The following SPTB variants were observed in gnomAD, a reference collection of about 807,000 sequenced individuals.
SPTB encodes the protein spectrin beta, erythrocytic, also known as spectrin beta chain, erythrocytic.
Under a neutral mutation model 256.2 loss-of-function variants are expected in SPTB, and 45 were observed. The observed-to-expected ratio is 0.18, with a 90% CI of 0.14 to 0.23. The LOEUF (loss-of-function observed/expected upper bound fraction) is 0.23, where lower values mean the gene tolerates loss of function less well. SPTB is among the 10% of genes least tolerant of loss of function. SPTB has a pLI of 1.00. For missense variants in SPTB, 2,715 were observed against 3,040.4 expected, an observed-to-expected ratio of 0.89 and a Z score of 2.52; for synonymous variants, 1,231 against 1,243.1, an observed-to-expected ratio of 0.99 and a Z score of 0.21.
intron 2 of SPTB, among the ~76,000 whole-genome samples, chr14:64,810,327 C>T (rs2083064645): frequency 1.3e-5 from 2 of 152,150 alleles, no homozygotes; most frequent in South Asian, 4.1e-4. Context: ...ATACCTCATA[C>T]TCCAGGATAA....
chr14:64,863,610 C>T (rs1177944938), intron 1 of SPTB, among the ~76,000 whole-genome samples: 3 of 152,192 alleles, frequency 2.0e-5, no homozygotes, highest in South Asian at 2.1e-4. Context: ...TTCTTGTCCC[C>T]ACCTCCCTGC....
intron 1 of SPTB, among the ~76,000 whole-genome samples, chr14:64,830,638 A>C (rs1403029176): frequency 5.9e-5 from 9 of 152,018 alleles, no homozygotes; most frequent in Non-Finnish European, 1.3e-4. Flanking sequence ...TTAAAGCTCT[A>C]CTTCACTCAG....
chr14:64,776,004 T>C (rs866673454), intron 22 of SPTB, among the ~76,000 whole-genome samples: 7 of 152,184 alleles, frequency 4.6e-5, no homozygotes, highest in African/African-American at 1.4e-4. Context: ...TTTGAGCCTT[T>C]GGTCATGAAC....
chr14:64,786,804 T>C lies in SPTB; in HGVS notation c.3161A>G (p.Glu1054Gly). The stretch of plus-strand genomic sequence containing the variant: ...CTGGCTGACTTCCCCCAGCAAGTCC[T>C]CCTGGCCCTGCAGGGATTGCTGCAG... Reference protein sequence around the residue: ...QGLQQSLQGQEDLLGEVSQLQ... With the variant: ...QGLQQSLQGQGDLLGEVSQLQ... The change falls in exon 16 of 36, where the codon GAG becomes GGG. Residue 1054 changes from glutamate to glycine, a missense_variant. Glu to Gly is a moderately conservative substitution (Grantham distance 98, BLOSUM62 -2). This residue lies in a region of SPTB where 2,239 missense variants were observed against 2,384.4 expected (regional missense o/e 0.94). Coordinates refer to ENST00000644917, the MANE Select transcript of SPTB (RefSeq NM_001355436.2). The surrounding 1 kb of genome is among the most constrained non-coding windows in gnomAD (Gnocchi z 5.6). The C allele has an allele frequency of 6.2e-7, 1 of 1,614,010 alleles. No individual in the cohort carries two copies. Among genetic ancestry groups the C allele is most frequent in the African/African-American group, 1.3e-5 (1 of 75,036 alleles).
intron 1 of SPTB, among the ~76,000 whole-genome samples, chr14:64,840,534 TGTGGA>T: frequency 6.6e-6 from 1 of 152,352 alleles, no homozygotes; most frequent in Admixed American, 6.5e-5. Context: ...CCTCAGAACT[TGTGGA>T]GTGAATTATT....
intron 13 of SPTB, among the ~76,000 whole-genome samples, 162 bp from the exon 14 acceptor site, chr14:64,794,029 C>T (rs1441132518): frequency 6.6e-6 from 1 of 152,100 alleles, no homozygotes; most frequent in African/African-American, 2.4e-5. Flanking sequence ...AGAGGGTGGA[C>T]AGATTCTTTA....
intron 9 of SPTB, among the ~76,000 whole-genome samples, chr14:64,798,373 G>A (rs370496847): frequency 1.7e-4 from 26 of 152,336 alleles, no homozygotes; most frequent in African/African-American, 5.3e-4. Flanking sequence ...CAGGCCAGAT[G>A]CTTCCCAGAA....
chr14:64,753,765 T>C lies in SPTB; in HGVS notation c.6374A>G (p.Asn2125Ser). 1.2e-6 allele frequency: 2 copies of C among 1,613,312 alleles called. No homozygotes were observed. Among genetic ancestry groups the C allele is most frequent in the Non-Finnish European group, 1.7e-6 (2 of 1,179,972 alleles). Residue 2125 changes from asparagine (N) to serine (S), a missense_variant, in exon 33 of 36, where the codon AAC becomes AGC. By Grantham distance (46) the Asn-to-Ser change is conservative. Transcript: ENST00000644917. The stretch of plus-strand genomic sequence containing the variant: ...ACCCGGCGGTGGTGGCTGCTGCAGG[T>C]TCTGAGGCCACGTTCCCTCTTCTTC... Reference protein sequence around the residue: ...PGEEEGTWPQNLQQPPPPGQH... With the variant: ...PGEEEGTWPQSLQQPPPPGQH...
chr14:64,871,210 T>G (rs1360145557), intron 1 of SPTB, among the ~76,000 whole-genome samples: 4 of 152,214 alleles, frequency 2.6e-5, no homozygotes, highest in Non-Finnish European at 1.5e-5. Flanking sequence ...GAGAGATTAC[T>G]GTGGAGTGGA....
chr14:64,833,551 A>G (rs371178936), intron 1 of SPTB, among the ~76,000 whole-genome samples: 1 of 98,204 alleles, frequency 1.0e-5, no homozygotes, highest in Non-Finnish European at 2.0e-5. Context: ...AGTCCATCTC[A>G]AAAAAAAAAA....
intron 2 of SPTB, among the ~76,000 whole-genome samples, chr14:64,815,968 T>G (rs1267661498): frequency 2.0e-5 from 3 of 152,148 alleles, no homozygotes; most frequent in African/African-American, 7.2e-5. Flanking sequence ...GGTAGACCAT[T>G]TTCTCCTCAC....
Position 64,793,414 on chromosome 14 carries a change from C to T in SPTB, c.2249G>A (p.Gly750Asp). The change falls in exon 14 of 36, where the codon GGC becomes GAC. Residue 750 changes from glycine (G) to aspartate (D), a missense_variant. Transcript: ENST00000644917. The surrounding 1 kb of genome is among the most constrained non-coding windows in gnomAD (Gnocchi z 7.0). ...QDAENFFQFQ[G>D]DADDLKAWLQ... is the part of the protein sequence containing the mutation. ...CCAAGCCTTCAGGTCATCCGCATCGCCCTGGAACTGGAAAAAGTTCTCAGC... is the reference window on the plus strand; with the variant it reads ...CCAAGCCTTCAGGTCATCCGCATCGTCCTGGAACTGGAAAAAGTTCTCAGC... The T allele has an allele frequency of 1.9e-6, 3 of 1,613,658 alleles. No homozygotes were observed. Among genetic ancestry groups the T allele is most frequent in the Non-Finnish European group, 2.5e-6 (3 of 1,180,040 alleles).
chr14:64,775,269 C>T lies in SPTB; in HGVS notation c.4698G>A (p.Trp1566Ter). The T allele has an allele frequency of 6.2e-7, 1 of 1,613,708 alleles. No homozygotes were observed. Among genetic ancestry groups the T allele is most frequent in the Non-Finnish European group, 8.5e-7 (1 of 1,180,012 alleles). ...EERLGHLQSS[W>*]DRLREAAAGR... ...CGGCCGCTGCCTCCCGCAGCCTGTC[C>T]CAGGAGCTCTGCAGGTGCCCCAGGC... Residue 1566 changes from tryptophan to a stop codon, truncating the protein, a stop_gained, in exon 23 of 36, where the codon TGG becomes TGA. Transcript: ENST00000644917. LOFTEE classifies it high-confidence loss of function. This position sits in a 1 kb window ranked among gnomAD's most constrained non-coding sequence, Gnocchi z 5.0.
chr14:64,752,091 C>CT, intron 33 of SPTB: 1 of 1,082,486 alleles, frequency 9.2e-7, no homozygotes, highest in Non-Finnish European at 1.2e-6. Context: ...GAGACTCTGT[C>CT]TAAACAAAAC....
At chr14:64,839,080 C>T (rs539127059) in intron 1 of SPTB, among the ~76,000 whole-genome samples, 8 of 151,878 alleles carry the variant, frequency 5.3e-5, no homozygotes, top group South Asian at 2.1e-4. Context: ...TGCAGTGAGC[C>T]GAGATCGCAC....
intron 22 of SPTB, among the ~76,000 whole-genome samples, chr14:64,776,429 C>T (rs1490534392): frequency 6.6e-6 from 1 of 152,162 alleles, no homozygotes; most frequent in African/African-American, 2.4e-5. Flanking sequence ...ATGACCTCTG[C>T]ATGGTGCCCT....
chr14:64,835,811 TAG>T (rs1240734154), intron 1 of SPTB, among the ~76,000 whole-genome samples: 1 of 152,226 alleles, frequency 6.6e-6, no homozygotes, highest in Non-Finnish European at 1.5e-5. Flanking sequence ...CACAAACTGT[TAG>T]ATATTATTGT....
Position 64,825,004 on chromosome 14 carries a change from A to G in SPTB, c.-51-1859T>C, listed in dbSNP as rs1296529594. ...GGTGGAATGACTGCGGCTGGGACCAAAGGCCAAACTGGAGCGCAGTTTATC... is the reference window on the plus strand; with the variant it reads ...GGTGGAATGACTGCGGCTGGGACCAGAGGCCAAACTGGAGCGCAGTTTATC... On this transcript the variant is annotated intron_variant, in intron 1 of 35. Coordinates refer to ENST00000644917, the MANE Select transcript of SPTB (RefSeq NM_001355436.2). The surrounding 1 kb of genome is among the most constrained non-coding windows in gnomAD (Gnocchi z 4.8). Among the ~76,000 whole-genome samples the G allele has an allele frequency of 6.6e-6, 1 of 152,056 alleles. No individual in the cohort carries two copies. The highest frequency in any genetic ancestry group is 1.5e-5 in the Non-Finnish European group (1 of 67,994).
rs141060172 is a variant in SPTB at position 64,799,815 on chromosome 14, G to A, written c.996C>T (p.Asn332=). 11,193 of 1,614,246 alleles carry A rather than the reference G, an allele frequency of 6.9e-3. 74 individuals carry two copies. Among genetic ancestry groups the A allele is most frequent in the South Asian group, 0.021 (1,891 of 91,086 alleles). Residue 332 remains asparagine (N), a synonymous_variant, in exon 9 of 36, where the codon AAC becomes AAT. Coordinates refer to ENST00000644917, the MANE Select transcript of SPTB (RefSeq NM_001355436.2). ...ITVLNSRKFA[N]SLTGVQQQLQ... Reference sequence around the variant, plus strand: ...GCTGCTGCTGGACGCCCGTCAGCGAGTTGGCAAACTTGCGGCTGTTCAGGA... The same window carrying A: ...GCTGCTGCTGGACGCCCGTCAGCGAATTGGCAAACTTGCGGCTGTTCAGGA...
Sources: gnomAD v4.1 joint callset for allele counts (sites outside exome capture counted in the v4.1 genomes callset) on GRCh38, gnomAD v4.1.1 for gene constraint, gnomAD v4.1.1 regional missense constraint, Gnocchi (gnomAD v3.1) non-coding constraint, MANE v1.5 for transcripts, NCBI Gene and HGNC (gene_info 2026-07-23, HGNC 2026-07-21) for gene names.